Variants in SLC24A3 observed in about 807,000 individuals in gnomAD.
SLC24A3 encodes the protein solute carrier family 24 member 3.
A neutral mutation model predicts 75.8 loss-of-function variants in SLC24A3; 28 were observed. That is an observed-to-expected ratio of 0.37 (90% CI 0.27 to 0.51). The LOEUF is 0.51. SLC24A3 is among the 20% of genes least tolerant of loss of function. SLC24A3 has a pLI of 0.94. For synonymous variants in SLC24A3, 372 were observed against 334.1 expected, an observed-to-expected ratio of 1.11 and a Z score of -1.24; for missense variants, 663 against 847.8, an observed-to-expected ratio of 0.78 and a Z score of 2.71.
At chr20:19,556,958 T>G (rs2030797435) in intron 3 of SLC24A3, among the ~76,000 whole-genome samples, 1 of 152,220 alleles carries the variant, frequency 6.6e-6, no homozygotes, top group African/African-American at 2.4e-5. Flanking sequence ...CTCCATGGTC[T>G]GACTGCTCCC....
intron 2 of SLC24A3, among the ~76,000 whole-genome samples, chr20:19,472,095 C>T (rs1385304613): frequency 6.6e-6 from 1 of 151,756 alleles, no homozygotes; most frequent in Non-Finnish European, 1.5e-5. Context: ...TTGGGGTCCA[C>T]GGATCCCTGG....
chr20:19,212,838 C>T lies in SLC24A3; in HGVS notation c.-5C>T, dbSNP rs1981440737. 4.8e-6 allele frequency: 5 copies of T among 1,034,392 alleles called. No individual in the cohort carries two copies. Among genetic ancestry groups the T allele is most frequent in the South Asian group, 4.4e-5 (1 of 22,618 alleles). The allele number at this position is 1,034,392 out of a possible 1,614,324, so 64.1% of individuals were successfully genotyped here. A position where few individuals can be genotyped will look rare whatever the true frequency, so the allele number is the denominator to read the frequency against. ...CCGCCGAGGCCGCCGCCCGGCCGCC[C>T]GAGGATGCGGCCGTCCGGCGACGAG... On this transcript the variant is annotated 5_prime_UTR_variant, in exon 1 of 17. Coordinates refer to ENST00000328041, the MANE Select transcript of SLC24A3 (RefSeq NM_020689.4).
At chr20:19,559,056 C>T (rs966198467) in intron 3 of SLC24A3, among the ~76,000 whole-genome samples, 20 of 152,184 alleles carry the variant, frequency 1.3e-4, no homozygotes, top group African/African-American at 4.8e-4. Context: ...AACTGTTTTA[C>T]AACATGGCTT....
Position 19,239,264 on chromosome 20 carries a change from C to T in SLC24A3, c.142+26280C>T, listed in dbSNP as rs117051870. On this transcript the variant is annotated intron_variant, in intron 1 of 16. Coordinates refer to ENST00000328041, the MANE Select transcript of SLC24A3 (RefSeq NM_020689.4). The stretch of plus-strand genomic sequence containing the variant: ...ATGCCTAAGCCCGTATGAAGCACAA[C>T]AGGAGAAGCAGCCCCAGTACCCTCA... Among the ~76,000 whole-genome samples the T allele has an allele frequency of 8.3e-3, 1,271 of 152,238 alleles. 24 individuals carry two copies. The highest frequency in any genetic ancestry group is 0.041 in the East Asian group (213 of 5,180).
intron 7 of SLC24A3, among the ~76,000 whole-genome samples, chr20:19,663,443 ATCCTCCTCCACTTCCTCCTCCTCCTCCT>A: frequency 7.3e-5 from 1 of 13,736 alleles, no homozygotes; most frequent in South Asian, 2.4e-3. Context: ...CCGCCTTCTC[ATCCTCCTCCACTTCCTCCTCCTCCTCCT>A]CCTCCGCCTT....
intron 3 of SLC24A3, among the ~76,000 whole-genome samples, chr20:19,538,868 A>G (rs1258345661): frequency 1.3e-5 from 2 of 152,250 alleles, no homozygotes; most frequent in Non-Finnish European, 2.9e-5. Flanking sequence ...CTGTCTCTCA[A>G]TAACAGAAAG....
At chr20:19,584,674 G>T (rs572326380) in intron 4 of SLC24A3, among the ~76,000 whole-genome samples, 2 of 152,192 alleles carry the variant, frequency 1.3e-5, no homozygotes, top group Non-Finnish European at 2.9e-5. Context: ...AAGACCCCTA[G>T]ATCTTCCCAA....
intron 2 of SLC24A3, among the ~76,000 whole-genome samples, chr20:19,504,339 A>C (rs900913191): frequency 3.3e-5 from 5 of 152,220 alleles, no homozygotes; most frequent in African/African-American, 9.7e-5. Context: ...TAATGAGTTA[A>C]CATTAAAAAA....
At chr20:19,694,246 C>G (rs189747656) in intron 13 of SLC24A3, 1 of 152,250 alleles carries the variant, frequency 6.6e-6, no homozygotes, top group Admixed American at 6.5e-5. Flanking sequence ...GGGAGAAATT[C>G]CAAATCATTA....
intron 6 of SLC24A3, among the ~76,000 whole-genome samples, chr20:19,619,303 A>G (rs1482669551): frequency 6.6e-6 from 1 of 152,196 alleles, no homozygotes; most frequent in Non-Finnish European, 1.5e-5. Flanking sequence ...AAGCAAGCCC[A>G]GCTACCTGAA....
At chr20:19,263,497 A>T (rs1983061909) in intron 1 of SLC24A3, among the ~76,000 whole-genome samples, 2 of 152,216 alleles carry the variant, frequency 1.3e-5, no homozygotes, top group Non-Finnish European at 2.9e-5. Context: ...TTCACTAGGG[A>T]TGAGAGTGAG....
At chr20:19,333,660 AGT>A (rs11471788) in intron 2 of SLC24A3, among the ~76,000 whole-genome samples, 81 of 147,840 alleles carry the variant, frequency 5.5e-4, no homozygotes, top group African/African-American at 1.5e-3. Context: ...TGTGTGTGAG[AGT>A]GTGTGTGTGT....
chr20:19,708,336 C>A (rs2032951351), intron 15 of SLC24A3, among the ~76,000 whole-genome samples: 1 of 152,180 alleles, frequency 6.6e-6, no homozygotes, highest in South Asian at 2.1e-4. Context: ...CTCCTTAACA[C>A]CTAGCAGAGG....
intron 1 of SLC24A3, among the ~76,000 whole-genome samples, chr20:19,245,703 CATT>C (rs1982467608): frequency 6.6e-6 from 1 of 152,000 alleles, no homozygotes; most frequent in African/African-American, 2.4e-5. Flanking sequence ...AAGAGCAAAA[CATT>C]ATTATTTGAG....
At chr20:19,277,749 T>C (rs3790171) in intron 1 of SLC24A3, among the ~76,000 whole-genome samples, 24,520 of 152,236 alleles carry the variant, frequency 0.16, 2,091 homozygotes, top group East Asian at 0.24. Context: ...AATTTTCTGC[T>C]ACAATAGCTG....
At chr20:19,220,141 A>G (rs1981666709) in intron 1 of SLC24A3, among the ~76,000 whole-genome samples, 1 of 152,208 alleles carries the variant, frequency 6.6e-6, no homozygotes, top group Admixed American at 6.5e-5. Context: ...AAACAAGGAA[A>G]GACCTGTGTC....
intron 6 of SLC24A3, among the ~76,000 whole-genome samples, chr20:19,593,936 A>ACTC (rs373444542): frequency 4.0e-5 from 6 of 151,692 alleles, no homozygotes; most frequent in African/African-American, 1.5e-4. Flanking sequence ...CCGGCCATTC[A>ACTC]CTCCTGAACC....
intron 2 of SLC24A3, among the ~76,000 whole-genome samples, chr20:19,415,286 A>G (rs1986808159): frequency 6.6e-6 from 1 of 152,234 alleles, no homozygotes; most frequent in Non-Finnish European, 1.5e-5. Flanking sequence ...TATAAGCCTC[A>G]GGGCTGCACC....
chr20:19,710,073 A>G (rs2032972645), intron 15 of SLC24A3, among the ~76,000 whole-genome samples: 1 of 152,232 alleles, frequency 6.6e-6, no homozygotes, highest in Non-Finnish European at 1.5e-5. Context: ...CCATTTGGAA[A>G]CTACACCCAA....
Sources: allele counts gnomAD v4.1 joint callset (sites outside exome capture counted in the v4.1 genomes callset), GRCh38; gene constraint gnomAD v4.1.1; transcripts MANE v1.5; gene names NCBI Gene and HGNC (gene_info 2026-07-23, HGNC 2026-07-21).